Variants in ELOVL7 observed in about 807,000 individuals in gnomAD.
ELOVL7 encodes ELOVL fatty acid elongase 7, also known as very long chain fatty acid elongase 7.
A neutral mutation model predicts 35.7 loss-of-function variants in ELOVL7; 27 were observed. The observed-to-expected ratio is 0.76, with a 90% CI of 0.56 to 1.04. ELOVL7 has a LOEUF of 1.04. Ranked by LOEUF, ELOVL7 falls within the 50% of genes least tolerant of loss-of-function variation. The pLI is 0.00. For synonymous variants in ELOVL7, 113 were observed against 114.6 expected (o/e 0.99, Z 0.09); for missense variants, 327 against 340.8 (o/e 0.96, Z 0.32).
intron 3 of ELOVL7, among the ~76,000 whole-genome samples, chr5:60,780,346 C>G (rs1743169806): frequency 6.6e-6 from 1 of 151,976 alleles, no homozygotes; most frequent in Admixed American, 6.5e-5. Flanking sequence ...TTGCGAACTC[C>G]CGACCTCAGG....
chr5:60,841,510 C>T (rs1327935407), intron 1 of ELOVL7, among the ~76,000 whole-genome samples: 1 of 152,146 alleles, frequency 6.6e-6, no homozygotes, highest in African/African-American at 2.4e-5. Context: ...TTTCTCTCTC[C>T]TCAAGCCTCT....
rs759883343 is a variant in ELOVL7, at chr5:60,767,888, A to G, written c.271T>C (p.Trp91Arg). The change falls in exon 5 of 9, where the codon TGG (tryptophan) becomes CGG (arginine). Residue 91 changes from tryptophan to arginine, a missense_variant. By Grantham distance (101) the Trp-to-Arg change is moderately radical. Transcript: ENST00000508821. Reference protein sequence around the residue: ...YMCYEFVMSGWGIGYSFRCDI... With the variant: ...YMCYEFVMSGRGIGYSFRCDI... ...CATCGAAATGAATAACCTATACCCCAGCCAGACATCACAAACTGCAAGAGA... is the reference window on the plus strand; with the variant it reads ...CATCGAAATGAATAACCTATACCCCGGCCAGACATCACAAACTGCAAGAGA... The G allele has an allele frequency of 1.2e-6, 2 of 1,613,880 alleles. No homozygotes were observed. The highest frequency in any genetic ancestry group is 1.7e-6 in the Non-Finnish European group (2 of 1,179,786).
At chr5:60,770,327 G>A (rs1023427756) in intron 4 of ELOVL7, among the ~76,000 whole-genome samples, 5 of 152,304 alleles carry the variant, frequency 3.3e-5, no homozygotes, top group African/African-American at 1.2e-4. Flanking sequence ...CTAAGAATAT[G>A]AGAGCAAGGA....
chr5:60,768,603 T>C (rs1742388819), intron 4 of ELOVL7: 1 of 438,278 alleles, frequency 2.3e-6, no homozygotes, highest in Non-Finnish European at 4.6e-6. Context: ...CTATTGTTGA[T>C]AAATCTGAAG....
intron 5 of ELOVL7, among the ~76,000 whole-genome samples, chr5:60,767,569 A>T (rs1742317397): frequency 6.6e-6 from 1 of 152,176 alleles, no homozygotes; most frequent in Non-Finnish European, 1.5e-5. Flanking sequence ...TCTATTTTCA[A>T]TTTTTTGAGG....
chr5:60,811,989 G>A (rs909631608), intron 1 of ELOVL7, among the ~76,000 whole-genome samples: 1 of 152,172 alleles, frequency 6.6e-6, no homozygotes, highest in African/African-American at 2.4e-5. Flanking sequence ...GCCAAGGCAG[G>A]AGGATTGCTT....
chr5:60,808,288 A>G (rs1745059988), intron 1 of ELOVL7, among the ~76,000 whole-genome samples: 1 of 152,156 alleles, frequency 6.6e-6, no homozygotes, highest in Non-Finnish European at 1.5e-5. Context: ...AAAAAGTAAC[A>G]TATTCAAATA....
At chr5:60,828,622 T>C (rs546028981) in intron 1 of ELOVL7, among the ~76,000 whole-genome samples, 1 of 152,270 alleles carries the variant, frequency 6.6e-6, no homozygotes, top group Non-Finnish European at 1.5e-5. Flanking sequence ...TTTAAAAAAA[T>C]CATTAGGCAT....
Position 60,830,641 on chromosome 5 carries a change from A to AT in ELOVL7, c.-86+13518dup, listed in dbSNP as rs372928641. 8.8e-3 allele frequency among the ~76,000 whole-genome samples: 1,239 copies of AT among 140,346 alleles called. 20 individuals carry two copies. The highest frequency in any genetic ancestry group is 0.031 in the African/African-American group (1,163 of 37,908). 92.1% of individuals were successfully genotyped at this position (140,346 alleles called of 152,430 possible). A position where few individuals can be genotyped will look rare whatever the true frequency, so the allele number is the denominator to read the frequency against. ...TTTTTTTTTGGTAGTATGACTATTC[A>AT]TTTTTCAATTTTAAAATTTATAGTA... On this transcript the variant is annotated intron_variant, in intron 1 of 8. Transcript: ENST00000508821.
At chr5:60,807,738 G>A (rs577697034) in intron 1 of ELOVL7, among the ~76,000 whole-genome samples, 1 of 152,102 alleles carries the variant, frequency 6.6e-6, no homozygotes, top group South Asian at 2.1e-4. Flanking sequence ...GGTGGTTCAC[G>A]CCTGTAATCC....
At chr5:60,757,137 A>C (rs1741584722) in intron 8 of ELOVL7, among the ~76,000 whole-genome samples, 2 of 152,178 alleles carry the variant, frequency 1.3e-5, no homozygotes, top group Non-Finnish European at 2.9e-5. Flanking sequence ...AGGAAGGCTC[A>C]TCGTTCCCTC....
At chr5:60,830,727 A>G (rs1489325102) in intron 1 of ELOVL7, among the ~76,000 whole-genome samples, 2 of 152,158 alleles carry the variant, frequency 1.3e-5, no homozygotes, top group Non-Finnish European at 2.9e-5. Context: ...TTCAGTATTA[A>G]TGAAATACAT....
Position 60,754,289 on chromosome 5 carries a change from A to G in ELOVL7, c.*335T>C, listed in dbSNP as rs1164870278. The stretch of plus-strand genomic sequence containing the variant: ...CTCAAAATACCTAATGATATTTTTC[A>G]TCTTTATTGGACTTCTTTGAAGAGT... On this transcript the variant is annotated 3_prime_UTR_variant, in exon 9 of 9. Coordinates refer to ENST00000508821, the MANE Select transcript of ELOVL7 (RefSeq NM_024930.3). 2 of 209,012 alleles carry G rather than the reference A, an allele frequency of 9.6e-6. No homozygotes were observed. The highest frequency in any genetic ancestry group is 2.3e-5 in the African/African-American group (1 of 42,956). 12.9% of individuals were successfully genotyped at this position (209,012 alleles called of 1,614,324 possible). A position where few individuals can be genotyped will look rare whatever the true frequency, so the allele number is the denominator to read the frequency against.
chr5:60,816,085 G>T (rs991648655), intron 1 of ELOVL7, among the ~76,000 whole-genome samples: 2 of 152,156 alleles, frequency 1.3e-5, no homozygotes, highest in African/African-American at 4.8e-5. Flanking sequence ...TCATTTAGAA[G>T]AGTTTTGGGA....
At chr5:60,771,723 C>T (rs2305680) in intron 4 of ELOVL7, among the ~76,000 whole-genome samples, 180 bp downstream of exon 4, 9,522 of 152,268 alleles carry the variant, frequency 0.063, 582 homozygotes, top group East Asian at 0.2. Flanking sequence ...TACTGAGATC[C>T]TCAAATGAGT....
intron 3 of ELOVL7, among the ~76,000 whole-genome samples, chr5:60,775,201 C>T (rs1371472838): frequency 6.6e-6 from 1 of 152,078 alleles, no homozygotes; most frequent in East Asian, 1.9e-4. Context: ...AAGCTGACAG[C>T]CAAATCAAGA....
chr5:60,770,704 A>G (rs969953486), intron 4 of ELOVL7, among the ~76,000 whole-genome samples: 4 of 152,146 alleles, frequency 2.6e-5, no homozygotes, highest in African/African-American at 9.7e-5. Flanking sequence ...AAATAAGGCC[A>G]GAGTATTTTT....
chr5:60,776,151 G>C (rs750147643), intron 3 of ELOVL7, among the ~76,000 whole-genome samples: 3 of 152,118 alleles, frequency 2.0e-5, no homozygotes, highest in Non-Finnish European at 4.4e-5. Context: ...TCATTAAAAA[G>C]TGGGCAAAGA....
intron 1 of ELOVL7, among the ~76,000 whole-genome samples, chr5:60,825,888 A>T (rs767897274): frequency 6.6e-6 from 1 of 152,256 alleles, no homozygotes; most frequent in Non-Finnish European, 1.5e-5. Context: ...GGGAATCCAT[A>T]GCCTTAAATA....
Sources: gnomAD v4.1 joint callset for allele counts (sites outside exome capture counted in the v4.1 genomes callset) on GRCh38, gnomAD v4.1.1 for gene constraint, MANE v1.5 for transcripts, NCBI Gene and HGNC (gene_info 2026-07-23, HGNC 2026-07-21) for gene names.